ITGA6: variants seen among roughly 807,000 people sequenced by gnomAD.
ITGA6 encodes the protein integrin alpha-6.
Under a neutral mutation model 133.6 loss-of-function variants are expected in ITGA6, and 63 were observed. That is an observed-to-expected ratio of 0.47 (90% CI 0.38 to 0.58). The LOEUF (loss-of-function observed/expected upper bound fraction) is 0.58, where lower values mean the gene tolerates loss of function less well. ITGA6 is among the 20% of genes least tolerant of loss of function. ITGA6 has a pLI of 0.00. For missense variants in ITGA6, 1,068 were observed against 1,309.4 expected, an observed-to-expected ratio of 0.82 and a Z score of 2.85; for synonymous variants, 434 against 482.0, an observed-to-expected ratio of 0.90 and a Z score of 1.30.
chr2:172,455,239 A>G (rs1471159807), intron 1 of ITGA6, among the ~76,000 whole-genome samples: 3 of 152,234 alleles, frequency 2.0e-5, no homozygotes, highest in African/African-American at 7.2e-5. Flanking sequence ...GGTGGGTGTT[A>G]CCACCAAGTC....
intron 20 of ITGA6, chr2:172,489,873 T>C (rs1266668330): frequency 7.7e-6 from 4 of 520,494 alleles, no homozygotes; most frequent in African/African-American, 1.9e-5. Context: ...GGCAGAGTCA[T>C]TCAGTGCTTG....
intron 1 of ITGA6, among the ~76,000 whole-genome samples, chr2:172,440,161 C>T (rs1684482140): frequency 6.6e-6 from 1 of 152,142 alleles, no homozygotes; most frequent in South Asian, 2.1e-4. Flanking sequence ...GGAAGGCACC[C>T]TATAAATGTA....
At chr2:172,481,108 T>C (rs1290294868) in intron 11 of ITGA6, 1 of 152,230 alleles carries the variant, frequency 6.6e-6, no homozygotes, top group Non-Finnish European at 1.5e-5. Flanking sequence ...GTGTACTGTA[T>C]CTGCCACCAA....
At chr2:172,502,592 C>T (rs966275093) in intron 25 of ITGA6, among the ~76,000 whole-genome samples, 2 of 152,184 alleles carry the variant, frequency 1.3e-5, no homozygotes, top group Non-Finnish European at 2.9e-5. Context: ...GATCCCTTAC[C>T]AAAGTTACCT....
intron 11 of ITGA6, among the ~76,000 whole-genome samples, chr2:172,480,381 G>GT (rs1686383784): frequency 6.6e-6 from 1 of 152,050 alleles, no homozygotes; most frequent in African/African-American, 2.4e-5. Context: ...TGGTTGTGAG[G>GT]TGGTGGGTGG....
chr2:172,453,025 G>A (rs16860418), intron 1 of ITGA6, among the ~76,000 whole-genome samples: 12 of 152,118 alleles, frequency 7.9e-5, no homozygotes, highest in African/African-American at 2.2e-4. Context: ...GGTGGGCCCC[G>A]TCACAGCATA....
intron 13 of ITGA6, 50 bp downstream of exon 13, chr2:172,485,314 T>G (rs1686620281): frequency 6.6e-7 from 1 of 1,516,028 alleles, no homozygotes; most frequent in Admixed American, 1.7e-5. Context: ...CCATTTATGA[T>G]GCTAAATCAA....
intron 23 of ITGA6, among the ~76,000 whole-genome samples, chr2:172,494,594 A>G (rs1037556076): frequency 6.6e-6 from 1 of 152,240 alleles, no homozygotes; most frequent in African/African-American, 2.4e-5. Flanking sequence ...GAGCCAGGTA[A>G]GCCATGCTAT....
In ITGA6 at chr2:172,465,661, A is replaced by C. The variant is rs1685631489; in HGVS notation, c.305A>C (p.Asp102Ala). 1 of 1,613,994 alleles carries C rather than the reference A, an allele frequency of 6.2e-7. No individual in the cohort carries two copies. Among genetic ancestry groups the C allele is most frequent in the Non-Finnish European group, 8.5e-7 (1 of 1,179,992 alleles). Reference sequence around the variant, plus strand: ...TGCACGCGGATCGAGTTTGATAACGATGGTGCGTTCCTTTCCCTCACTCAG... The same window carrying C: ...TGCACGCGGATCGAGTTTGATAACGCTGGTGCGTTCCTTTCCCTCACTCAG... Reference protein sequence around the residue: ...GPCTRIEFDNDADPTSESKED... With the variant: ...GPCTRIEFDNAADPTSESKED... The change falls in exon 2 of 26, where the codon GAT (aspartate) becomes GCT (alanine). Residue 102 changes from aspartate (D) to alanine (A), a missense_variant and splice_region_variant. By Grantham distance (126) the Asp-to-Ala change is moderately radical. Transcript: ENST00000684293.
Position 172,479,679 on chromosome 2 carries a change from T to C in ITGA6, c.1427T>C (p.Val476Ala). The C allele has an allele frequency of 1.2e-6, 2 of 1,614,090 alleles. No homozygotes were observed. The highest frequency in any genetic ancestry group is 1.7e-6 in the Non-Finnish European group (2 of 1,180,006). The change falls in exon 10 of 26, where the codon GTA becomes GCA. Residue 476 changes from valine to alanine, a missense_variant. Val to Ala is a moderately conservative substitution (Grantham distance 64). Transcript: ENST00000684293. The part of the protein sequence containing the change: ...PVINIQKTIT[V>A]TPNRIDLRQK... ...ATTAATATTCAGAAAACCATCACAG[T>C]AACTCCTAACAGAATTGACCTCCGC... is the stretch of plus-strand genomic sequence containing the variant.
chr2:172,492,634 T>C (rs540092683), intron 23 of ITGA6, among the ~76,000 whole-genome samples: 69 of 152,298 alleles, frequency 4.5e-4, no homozygotes, highest in African/African-American at 1.6e-3. Context: ...GGGTTCCCTG[T>C]GGGAGTCTAG....
At chr2:172,461,628 C>T (rs1685430120) in intron 1 of ITGA6, among the ~76,000 whole-genome samples, 1 of 152,220 alleles carries the variant, frequency 6.6e-6, no homozygotes, top group African/African-American at 2.4e-5. Flanking sequence ...CTAGGAGTTG[C>T]TGTGAGCATC....
At chr2:172,494,466 C>T (rs900226805) in intron 23 of ITGA6, among the ~76,000 whole-genome samples, 1 of 152,254 alleles carries the variant, frequency 6.6e-6, no homozygotes, top group East Asian at 1.9e-4. Flanking sequence ...CAAGAGTGTG[C>T]CACTACACTC....
intron 9 of ITGA6, among the ~76,000 whole-genome samples, chr2:172,479,398 T>A (rs1390386034): frequency 1.3e-5 from 2 of 152,228 alleles, no homozygotes; most frequent in Non-Finnish European, 2.9e-5. Context: ...CCCCCACATG[T>A]TGCACATGTA....
chr2:172,494,560 A>G (rs1407061617), intron 23 of ITGA6, among the ~76,000 whole-genome samples: 2 of 152,240 alleles, frequency 1.3e-5, no homozygotes, highest in Admixed American at 6.5e-5. Flanking sequence ...TAATGAAGTC[A>G]GGGAGAGCAG....
At chr2:172,475,317 T>A (rs1686122995) in intron 7 of ITGA6, among the ~76,000 whole-genome samples, 195 bp downstream of exon 7, 2 of 152,098 alleles carry the variant, frequency 1.3e-5, no homozygotes, top group Admixed American at 1.3e-4. Flanking sequence ...TAACTGGGTG[T>A]GGTGGCACAT....
At chr2:172,447,394 G>A (rs1354168104) in intron 1 of ITGA6, among the ~76,000 whole-genome samples, 2 of 151,902 alleles carry the variant, frequency 1.3e-5, no homozygotes, top group Non-Finnish European at 1.5e-5. Context: ...TAGTAGAGAC[G>A]AGGTTTTACC....
At position 172,489,510 on chromosome 2, in the gene ITGA6, C is replaced by A. The variant is rs200289610; in HGVS notation, c.2531C>A (p.Thr844Lys). The A allele has an allele frequency of 3.1e-6, 5 of 1,613,708 alleles. No homozygotes were observed. In the South Asian group the frequency reaches 3.3e-5, roughly 11 times the overall value. ...GTAATAAACTTAGGTAAACCTCTTA[C>A]AAACCTCGGCACAGCAACCTTGAAC... ...FRVINLGKPL[T>K]NLGTATLNIQ... Residue 844 changes from threonine to lysine, a missense_variant, in exon 20 of 26, where the codon ACA (threonine) becomes AAA (lysine). This residue lies in a region of ITGA6 where 609 missense variants were observed against 707.2 expected (regional missense o/e 0.86). Transcript: ENST00000684293.
At position 172,501,856 on chromosome 2, in the gene ITGA6, G is replaced by C; in HGVS notation, c.3199G>C (p.Glu1067Gln). The C allele has an allele frequency of 6.2e-7, 1 of 1,611,914 alleles. No individual in the cohort carries two copies. Among genetic ancestry groups the C allele is most frequent in the Non-Finnish European group, 8.5e-7 (1 of 1,178,702 alleles). Reference sequence around the variant, plus strand: ...GATCCATGCTCAGCCATCTGATAAAGAGAGGCTTACTTCTGATGCATAGTA... The same window carrying C: ...GATCCATGCTCAGCCATCTGATAAACAGAGGCTTACTTCTGATGCATAGTA... ...AEIHAQPSDK[E>Q]RLTSDA The change falls in exon 25 of 26, where the codon GAG becomes CAG. Residue 1067 changes from glutamate to glutamine, a missense_variant. Glu to Gln is a conservative substitution (Grantham distance 29, BLOSUM62 2). Transcript: ENST00000684293.
Sources: allele counts gnomAD v4.1 joint callset (sites outside exome capture counted in the v4.1 genomes callset), GRCh38; gene constraint gnomAD v4.1.1; regional missense constraint gnomAD v4.1.1; transcripts MANE v1.5; gene names NCBI Gene and HGNC (gene_info 2026-07-23, HGNC 2026-07-21).